The following ASAP1 variants were observed in gnomAD, a reference collection of about 807,000 sequenced individuals.
ASAP1 encodes the protein ArfGAP with SH3 domain, ankyrin repeat and PH domain 1, also known as arf-GAP with SH3 domain, ANK repeat and PH domain-containing protein 1.
ASAP1 carries 43 observed loss-of-function variants against 145.2 expected under a neutral mutation model. The observed-to-expected ratio is 0.30, with a 90% CI of 0.23 to 0.38. The LOEUF is 0.38. Among genes scored for constraint, ASAP1 ranks in the 10% least tolerant of loss-of-function variants. The pLI is 1.00. For synonymous variants in ASAP1, 546 were observed against 515.5 expected (o/e 1.06, Z -0.80); for missense variants, 1,018 against 1,355.3 (o/e 0.75, Z 3.91).
chr8:130,404,598 T>C (rs754939138), intron 1 of ASAP1, among the ~76,000 whole-genome samples: 6 of 152,222 alleles, frequency 3.9e-5, no homozygotes, highest in Non-Finnish European at 7.3e-5. Flanking sequence ...TTATTATTCT[T>C]TTGCTTTCCT....
chr8:130,101,540 G>A (rs2097528729), intron 24 of ASAP1, among the ~76,000 whole-genome samples: 1 of 151,348 alleles, frequency 6.6e-6, no homozygotes, highest in Admixed American at 6.6e-5. Context: ...TTTTTTGGGG[G>A]GTAGCTATCG....
intron 3 of ASAP1, among the ~76,000 whole-genome samples, chr8:130,313,984 C>A (rs564525542): frequency 5.9e-5 from 9 of 152,206 alleles, no homozygotes; most frequent in Non-Finnish European, 1.2e-4. Flanking sequence ...CACCCCTAGG[C>A]TGGCAAGCAG....
intron 27 of ASAP1, among the ~76,000 whole-genome samples, chr8:130,066,102 G>C (rs905188170): frequency 6.6e-6 from 1 of 152,170 alleles, no homozygotes. Flanking sequence ...TGATACAATC[G>C]TGGTACAATT....
rs1399562757 is a variant in ASAP1 at position 130,053,069 on chromosome 8, T to A, written c.*1662A>T. 1 of 152,188 alleles carries A rather than the reference T, an allele frequency of 6.6e-6. No homozygotes were observed. Among genetic ancestry groups the A allele is most frequent in the Non-Finnish European group, 1.5e-5 (1 of 68,028 alleles). 9.4% of individuals were successfully genotyped at this position (152,188 alleles called of 1,614,324 possible). A position where few individuals can be genotyped will look rare whatever the true frequency, so the allele number is the denominator to read the frequency against. On this transcript the variant is annotated 3_prime_UTR_variant, in exon 30 of 30. Transcript: ENST00000518721. ...TATTTTGCAGGTTTGTCATGCAAGG[T>A]TTATTTATTAGGTGGCTATTCAAAG...
intron 22 of ASAP1, among the ~76,000 whole-genome samples, chr8:130,116,269 G>A (rs956680845): frequency 1.2e-4 from 18 of 152,208 alleles, no homozygotes; most frequent in Non-Finnish European, 2.9e-5. Context: ...ATGTGCACAG[G>A]AAGGGGAGGG....
intron 18 of ASAP1, among the ~76,000 whole-genome samples, chr8:130,119,839 G>A (rs1196080415): frequency 1.3e-5 from 2 of 151,656 alleles, no homozygotes; most frequent in Admixed American, 6.6e-5. Context: ...ATAAGACATT[G>A]GTATATTTTG....
intron 1 of ASAP1, among the ~76,000 whole-genome samples, chr8:130,410,490 C>T (rs1829219725): frequency 6.6e-6 from 1 of 152,178 alleles, no homozygotes; most frequent in South Asian, 2.1e-4. Flanking sequence ...AATCCTCATG[C>T]CAGCAGGAGC....
intron 3 of ASAP1, among the ~76,000 whole-genome samples, chr8:130,286,326 A>G (rs544158548): frequency 6.6e-6 from 1 of 152,362 alleles, no homozygotes; most frequent in South Asian, 2.1e-4. Flanking sequence ...AACTAAAAAC[A>G]AAGCTAGCAT....
chr8:130,142,303 A>C (rs940217877), intron 13 of ASAP1, among the ~76,000 whole-genome samples: 17 of 152,156 alleles, frequency 1.1e-4, no homozygotes, highest in Non-Finnish European at 2.5e-4. Context: ...ACACAAGAAC[A>C]TTTCCTCCTG....
At chr8:130,267,231 A>G (rs905773655) in intron 3 of ASAP1, among the ~76,000 whole-genome samples, 19 of 152,316 alleles carry the variant, frequency 1.2e-4, no homozygotes, top group Non-Finnish European at 5.9e-5. Flanking sequence ...GCTCAACTCA[A>G]GCCTACAGTT....
At chr8:130,114,929 TC>T (rs747207149) in intron 23 of ASAP1, among the ~76,000 whole-genome samples, 27 of 152,094 alleles carry the variant, frequency 1.8e-4, no homozygotes, top group Non-Finnish European at 3.7e-4. Context: ...TATTGATTGA[TC>T]CATTTACTTT....
At chr8:130,373,111 TACACACACACACACACACAC>T (rs367719682) in intron 2 of ASAP1, among the ~76,000 whole-genome samples, 4 of 94,108 alleles carry the variant, frequency 4.3e-5, no homozygotes, top group Non-Finnish European at 8.4e-5. Context: ...GAAATACATA[TACACACACACACACACACAC>T]ACACACACAC....
chr8:130,191,621 G>A lies in ASAP1; in HGVS notation c.406-3438C>T, dbSNP rs554223850. On this transcript the variant is annotated intron_variant, in intron 5 of 29. Transcript: ENST00000518721. The stretch of plus-strand genomic sequence containing the variant: ...GTTAGTGGCAGAGGGAGAGAGTGGT[G>A]TGAGAAGGACCAACGCTGACTTGAA... 2.9e-4 allele frequency among the ~76,000 whole-genome samples: 44 copies of A among 152,250 alleles called. 1 individual carries two copies. The highest frequency in any genetic ancestry group is 1.1e-3 in the African/African-American group (44 of 41,536).
At chr8:130,180,677 A>T in intron 8 of ASAP1, 74 bp downstream of exon 8, 1 of 1,512,580 alleles carries the variant, frequency 6.6e-7, no homozygotes, top group Non-Finnish European at 8.9e-7. Context: ...CTTTAAGCAT[A>T]AAGACTGCTG....
At chr8:130,263,444 A>C (rs920310814) in intron 3 of ASAP1, among the ~76,000 whole-genome samples, 14 of 152,232 alleles carry the variant, frequency 9.2e-5, no homozygotes, top group African/African-American at 3.4e-4. Flanking sequence ...CAACAAGCAA[A>C]GGCAAGTCTG....
chr8:130,072,825 G>GTGCGTGTGCGCGTGCGCGCGCA lies in ASAP1; in HGVS notation c.2701+3522_2701+3523insTGCGCGCGCACGCGCACACGCA. Among the ~76,000 whole-genome samples, 19 of 54,116 alleles carry GTGCGTGTGCGCGTGCGCGCGCA rather than the reference G, an allele frequency of 3.5e-4. 1 individual carries two copies. The East Asian group carries it at 6.4e-3, about 18-fold the overall frequency. 35.5% of individuals were successfully genotyped at this position (54,116 alleles called of 152,430 possible). A position where few individuals can be genotyped will look rare whatever the true frequency, so the allele number is the denominator to read the frequency against. On this transcript the variant is annotated intron_variant, in intron 27 of 29. Transcript: ENST00000518721. The stretch of plus-strand genomic sequence containing the variant: ...TGTGTGTGTGTGTGTGTGTGTGTGT[G>GTGCGTGTGCGCGTGCGCGCGCA]CGCGCGGGGGGGGGCAGTTTTGGGG...
At chr8:130,187,082 A>G (rs1056069407) in intron 7 of ASAP1, among the ~76,000 whole-genome samples, 154 bp downstream of exon 7, 1 of 152,198 alleles carries the variant, frequency 6.6e-6, no homozygotes, top group African/African-American at 2.4e-5. Context: ...TAGCCCTAAT[A>G]AGGATATGCT....
intron 1 of ASAP1, among the ~76,000 whole-genome samples, chr8:130,410,761 G>T (rs1462234317): frequency 6.6e-6 from 1 of 152,236 alleles, no homozygotes; most frequent in African/African-American, 2.4e-5. Context: ...GCAAAGAGGA[G>T]AGCCCTTGGG....
At chr8:130,281,475 T>C (rs2137186207) in intron 3 of ASAP1, among the ~76,000 whole-genome samples, 1 of 152,334 alleles carries the variant, frequency 6.6e-6, no homozygotes, top group South Asian at 2.1e-4. Context: ...GACAGGGCTT[T>C]CTACCTTCTA....
Sources: gnomAD v4.1 joint callset for allele counts (sites outside exome capture counted in the v4.1 genomes callset) on GRCh38, gnomAD v4.1.1 for gene constraint, MANE v1.5 for transcripts, NCBI Gene and HGNC (gene_info 2026-07-23, HGNC 2026-07-21) for gene names.